Variants in ARFIP2 observed in about 807,000 individuals in gnomAD.
ARFIP2 encodes the protein ARF interacting protein 2.
In ARFIP2, 14 loss-of-function variants were observed where a neutral mutation model predicts 39.2. The observed-to-expected ratio is 0.36, with a 90% CI of 0.24 to 0.56. The LOEUF (loss-of-function observed/expected upper bound fraction) is 0.56, where lower values mean the gene tolerates loss of function less well. ARFIP2 is among the 20% of genes least tolerant of loss of function. The pLI is 0.85. For missense variants in ARFIP2, 305 were observed against 422.5 expected (o/e 0.72, Z 2.44); for synonymous variants, 167 against 172.4 (o/e 0.97, Z 0.24).
chr11:6,480,163 T>C, intron 2 of ARFIP2, 95 bp from the exon 3 acceptor site: 1 of 1,315,946 alleles, frequency 7.6e-7, no homozygotes, highest in Non-Finnish European at 1.1e-6. Flanking sequence ...ATCATAAAGA[T>C]AGTACACAAG....
chr11:6,477,416 A>G lies in ARFIP2; in HGVS notation c.871-148T>C, dbSNP rs1192322000. 4.0e-6 allele frequency: 4 copies of G among 997,828 alleles called. No homozygotes were observed. 61.8% of individuals were successfully genotyped at this position (997,828 alleles called of 1,614,324 possible). A position where few individuals can be genotyped will look rare whatever the true frequency, so the allele number is the denominator to read the frequency against. On this transcript the variant is annotated intron_variant, in intron 7 of 7. Coordinates refer to ENST00000396777, the MANE Select transcript of ARFIP2 (RefSeq NM_001376558.2). This position sits in a 1 kb window ranked among gnomAD's most constrained non-coding sequence, Gnocchi z 4.8. ...GGGCTGAACTCTACCCAGGGAGTCA[A>G]AGGAGAAGGGTCAGTATGATGGAAG...
chr11:6,477,837 C>A lies in ARFIP2; in HGVS notation c.751G>T (p.Asp251Tyr), dbSNP rs1851255804. 1 of 1,613,922 alleles carries A rather than the reference C, an allele frequency of 6.2e-7. No individual in the cohort carries two copies. Among genetic ancestry groups the A allele is most frequent in the African/African-American group, 1.3e-5 (1 of 74,878 alleles). The change falls in exon 7 of 8, where the codon GAT becomes TAT. Residue 251 changes from aspartate to tyrosine, a missense_variant. By Grantham distance (160) the Asp-to-Tyr change is radical (BLOSUM62 -3). Coordinates refer to ENST00000396777, the MANE Select transcript of ARFIP2 (RefSeq NM_001376558.2). This position sits in a 1 kb window ranked among gnomAD's most constrained non-coding sequence, Gnocchi z 4.8. ...DLEELSLGPR[D>Y]AGTRGRLESA... is the part of the protein sequence containing the mutation. ...TCAAGTCGACCACGTGTCCCTGCATCCCGGGGGCCTAGACTCAGCTCCTCT... is the reference window on the plus strand; with the variant it reads ...TCAAGTCGACCACGTGTCCCTGCATACCGGGGGCCTAGACTCAGCTCCTCT...
At position 6,477,985 on chromosome 11, in the gene ARFIP2, A is replaced by G. The variant is rs2303493; in HGVS notation, c.695+56T>C. ...TGAATTCTTATGCCCCTAATGCCCAAATTTCCACCCATACCAGCCAACTCC... is the reference window on the plus strand; with the variant it reads ...TGAATTCTTATGCCCCTAATGCCCAGATTTCCACCCATACCAGCCAACTCC... On this transcript the variant is annotated intron_variant, in intron 6 of 7. Transcript: ENST00000396777. The surrounding 1 kb of genome is among the most constrained non-coding windows in gnomAD (Gnocchi z 4.8). The G allele has an allele frequency of 0.47, 751,799 of 1,604,308 alleles. 184,424 individuals carry two copies. Among genetic ancestry groups the G allele is most frequent in the Non-Finnish European group, 0.51 (599,999 of 1,173,042 alleles).
chr11:6,479,607 T>C, intron 3 of ARFIP2: 1 of 566,682 alleles, frequency 1.8e-6, no homozygotes, highest in Non-Finnish European at 3.1e-6. Flanking sequence ...GGAATCTTAG[T>C]GTGAGATTCA....
intron 3 of ARFIP2, 86 bp from the exon 4 acceptor site, chr11:6,479,344 T>G (rs1021520445): frequency 6.2e-7 from 1 of 1,608,528 alleles, no homozygotes; most frequent in African/African-American, 1.3e-5. Context: ...TTCGAGCACA[T>G]GAAATTGACT....
Position 6,480,337 on chromosome 11 carries a change from C to A in ARFIP2, c.85G>T (p.Asp29Tyr). 1 of 1,613,364 alleles carries A rather than the reference C, an allele frequency of 6.2e-7. No individual in the cohort carries two copies. Among genetic ancestry groups the A allele is most frequent in the South Asian group, 1.1e-5 (1 of 90,848 alleles). Residue 29 changes from aspartate (D) to tyrosine (Y), a missense_variant, in exon 2 of 8, where the codon GAT becomes TAT. This residue lies in a region of ARFIP2 where 151 missense variants were observed against 203.1 expected (regional missense o/e 0.74). Transcript: ENST00000396777. Reference sequence around the variant, plus strand: ...AACAGAAGCACCTGCTCCAGCCCATCATCTTCAGGAAGCTGCCTGGCTTCG... The same window carrying A: ...AACAGAAGCACCTGCTCCAGCCCATAATCTTCAGGAAGCTGCCTGGCTTCG... ...NGEARQLPEDDGLEQDLQQVM... is the reference protein window; with the variant it reads ...NGEARQLPEDYGLEQDLQQVM...
chr11:6,480,534 T>TCTTTAAAGG, intron 1 of ARFIP2, 71 bp from the exon 2 acceptor site: 1 of 770,394 alleles, frequency 1.3e-6, no homozygotes, highest in Non-Finnish European at 2.0e-6. Flanking sequence ...CTCTGTCATT[T>TCTTTAAAGG]CTTTAAAGGC....
Position 6,478,473 on chromosome 11 carries a change from A to T in ARFIP2, c.537+265T>A. On this transcript the variant is annotated intron_variant, in intron 5 of 7. Transcript: ENST00000396777. This position sits in a 1 kb window ranked among gnomAD's most constrained non-coding sequence, Gnocchi z 4.8. ...GGCAAGCAGGGGAGGGGCTCTGATT[A>T]GGCTGAGCACGAAGGCATTCTCCCC... is the stretch of plus-strand genomic sequence containing the variant. 1 of 1,177,388 alleles carries T rather than the reference A, an allele frequency of 8.5e-7. No homozygotes were observed. Among genetic ancestry groups the T allele is most frequent in the Non-Finnish European group, 1.2e-6 (1 of 864,952 alleles). 72.9% of individuals were successfully genotyped at this position (1,177,388 alleles called of 1,614,324 possible).
In ARFIP2 at chr11:6,477,063, G is replaced by A; in HGVS notation, c.*50C>T. ...CATGTCCAATCTCCCACACCCTGGG[G>A]CTGCCCTTCCCAATGTCTTTCTTGA... On this transcript the variant is annotated 3_prime_UTR_variant, in exon 8 of 8. Coordinates refer to ENST00000396777, the MANE Select transcript of ARFIP2 (RefSeq NM_001376558.2). The surrounding 1 kb of genome is among the most constrained non-coding windows in gnomAD (Gnocchi z 4.8). The A allele has an allele frequency of 6.4e-7, 1 of 1,561,758 alleles. No homozygotes were observed. Among genetic ancestry groups the A allele is most frequent in the South Asian group, 1.2e-5 (1 of 84,726 alleles).
At chr11:6,479,917 C>T (rs1265932772) in intron 3 of ARFIP2, 55 bp downstream of exon 3, 1 of 1,546,794 alleles carries the variant, frequency 6.5e-7, no homozygotes, top group Admixed American at 1.7e-5. Flanking sequence ...TATGCTTCCC[C>T]AAACCATTCC....
Position 6,477,368 on chromosome 11 carries a change from C to A in ARFIP2, c.871-100G>T, listed in dbSNP as rs546873575. 510 of 1,379,790 alleles carry A rather than the reference C, an allele frequency of 3.7e-4. 6 individuals are homozygous for A. The African/African-American group carries it at 6.3e-3, about 17-fold the overall frequency. 85.5% of individuals were successfully genotyped at this position (1,379,790 alleles called of 1,614,324 possible). On this transcript the variant is annotated intron_variant, in intron 7 of 7. Transcript: ENST00000396777. The surrounding 1 kb of genome is among the most constrained non-coding windows in gnomAD (Gnocchi z 4.8). Reference sequence around the variant, plus strand: ...ACAGACCAGGGGCACAAGGACTCTGCTCTGATGGTGCTTTTGGGGTAGGGG... The same window carrying A: ...ACAGACCAGGGGCACAAGGACTCTGATCTGATGGTGCTTTTGGGGTAGGGG...
rs1414934598 is a variant in ARFIP2, at chr11:6,480,336, T to G, written c.86A>C (p.Asp29Ala). Residue 29 changes from aspartate (D) to alanine (A), a missense_variant, in exon 2 of 8, where the codon GAT becomes GCT. By Grantham distance (126) the Asp-to-Ala change is moderately radical. Around this residue, in one of 3 missense-constraint regions of ARFIP2, gnomAD observed 151 missense variants for 203.1 expected, o/e 0.74. Coordinates refer to ENST00000396777, the MANE Select transcript of ARFIP2 (RefSeq NM_001376558.2). ...NGEARQLPED[D>A]GLEQDLQQVM... ...AAACAGAAGCACCTGCTCCAGCCCA[T>G]CATCTTCAGGAAGCTGCCTGGCTTC... 3.7e-6 allele frequency: 6 copies of G among 1,613,242 alleles called. No individual in the cohort carries two copies. The Admixed American group carries it at 1.0e-4, about 27-fold the overall frequency.
rs551813312 is a variant in ARFIP2 at position 6,479,170 on chromosome 11, G to A, written c.285C>T (p.Ile95=). 42 of 1,614,122 alleles carry A rather than the reference G, an allele frequency of 2.6e-5. No individual in the cohort carries two copies. Among genetic ancestry groups the A allele is most frequent in the Admixed American group, 3.3e-5 (2 of 60,014 alleles). ...ARGIAGEKFD[I]VKKWGINTYK... The stretch of plus-strand genomic sequence containing the variant: ...AGGTGTTGATGCCCCATTTCTTGAC[G>A]ATGTCAAACTTTTCTCCAGCAATGC... Residue 95 remains isoleucine, a synonymous_variant, in exon 4 of 8, where the codon ATC becomes ATT. Transcript: ENST00000396777.
chr11:6,477,652 G>A lies in ARFIP2; in HGVS notation c.870+66C>T, dbSNP rs1233331066. 25 of 1,555,078 alleles carry A rather than the reference G, an allele frequency of 1.6e-5. No homozygotes were observed. The highest frequency in any genetic ancestry group is 2.2e-5 in the Non-Finnish European group (25 of 1,140,056). On this transcript the variant is annotated intron_variant, in intron 7 of 7. Transcript: ENST00000396777. The surrounding 1 kb of genome is among the most constrained non-coding windows in gnomAD (Gnocchi z 4.8). Reference sequence around the variant, plus strand: ...ATTTCCTCATTCAATAATGGGGAGGGTCTGAGGGGAAGGTTAGTGTTACAG... The same window carrying A: ...ATTTCCTCATTCAATAATGGGGAGGATCTGAGGGGAAGGTTAGTGTTACAG...
In ARFIP2 at chr11:6,477,845, CCTA is replaced by C; in HGVS notation, c.740_742del (p.Leu247_Gly248delinsArg). ...ACCACGTGTCCCTGCATCCCGGGGGCCTAGACTCAGCTCCTCTAAGTCTGTTCG... is the reference window on the plus strand; with the variant it reads ...ACCACGTGTCCCTGCATCCCGGGGGCGACTCAGCTCCTCTAAGTCTGTTCG... On this transcript the variant is annotated inframe_deletion, in exon 7 of 8. Coordinates refer to ENST00000396777, the MANE Select transcript of ARFIP2 (RefSeq NM_001376558.2). This position sits in a 1 kb window ranked among gnomAD's most constrained non-coding sequence, Gnocchi z 4.8. The C allele has an allele frequency of 6.2e-7, 1 of 1,613,958 alleles. No homozygotes were observed. Among genetic ancestry groups the C allele is most frequent in the South Asian group, 1.1e-5 (1 of 91,074 alleles).
In ARFIP2 at chr11:6,477,872, C is replaced by T; in HGVS notation, c.716G>A (p.Arg239Gln). The part of the protein sequence containing the change: ...EAARLEYDAY[R>Q]TDLEELSLGP... ...TAGACTCAGCTCCTCTAAGTCTGTT[C>T]GGTAGGCATCATATTCCAGCCTGGG... The change falls in exon 7 of 8, where the codon CGA becomes CAA. Residue 239 changes from arginine to glutamine, a missense_variant. Physicochemically the swap from Arg to Gln is conservative, Grantham distance 43 (BLOSUM62 1). Transcript: ENST00000396777. This position sits in a 1 kb window ranked among gnomAD's most constrained non-coding sequence, Gnocchi z 4.8. 1.9e-6 allele frequency: 3 copies of T among 1,613,908 alleles called. No individual in the cohort carries two copies. Among genetic ancestry groups the T allele is most frequent in the South Asian group, 1.1e-5 (1 of 91,066 alleles).
At position 6,478,659 on chromosome 11, in the gene ARFIP2, G is replaced by C; in HGVS notation, c.537+79C>G. 6.5e-7 allele frequency: 1 copy of C among 1,534,828 alleles called. No individual in the cohort carries two copies. The highest frequency in any genetic ancestry group is 8.8e-7 in the Non-Finnish European group (1 of 1,137,124). ...AAGGGGTTCTCCCTGTGGGCTGCAGGAGGGAGGGAGGATGAGGAATGACTG... is the reference window on the plus strand; with the variant it reads ...AAGGGGTTCTCCCTGTGGGCTGCAGCAGGGAGGGAGGATGAGGAATGACTG... On this transcript the variant is annotated intron_variant, in intron 5 of 7. Transcript: ENST00000396777. The surrounding 1 kb of genome is among the most constrained non-coding windows in gnomAD (Gnocchi z 4.8).
At position 6,478,498 on chromosome 11, in the gene ARFIP2, C is replaced by T. The variant is rs903661259; in HGVS notation, c.537+240G>A. On this transcript the variant is annotated intron_variant, in intron 5 of 7. Transcript: ENST00000396777. The surrounding 1 kb of genome is among the most constrained non-coding windows in gnomAD (Gnocchi z 4.8). ...AGGCTGAGCACGAAGGCATTCTCCC[C>T]AGTGCAGAGAGGGGTTATTTGTGAG... 8 of 1,306,118 alleles carry T rather than the reference C, an allele frequency of 6.1e-6. No individual in the cohort carries two copies. Among genetic ancestry groups the T allele is most frequent in the Non-Finnish European group, 7.1e-6 (7 of 982,274 alleles). The allele number at this position is 1,306,118 out of a possible 1,614,324, so 80.9% of individuals were successfully genotyped here.
rs1307268044 is a variant in ARFIP2, at chr11:6,476,575, C to T, written c.*538G>A. 1 of 149,958 alleles carries T rather than the reference C, an allele frequency of 6.7e-6. No individual in the cohort carries two copies. The highest frequency in any genetic ancestry group is 2.4e-5 in the African/African-American group (1 of 40,872). 9.3% of individuals were successfully genotyped at this position (149,958 alleles called of 1,614,324 possible). ...GATCCCAATCTTCTTGGGCTCTAAG[C>T]ACAATTAAACTGGGTGGGTGGGTGA... On this transcript the variant is annotated 3_prime_UTR_variant, in exon 8 of 8. Coordinates refer to ENST00000396777, the MANE Select transcript of ARFIP2 (RefSeq NM_001376558.2).
Sources: allele counts gnomAD v4.1 joint callset, GRCh38; gene constraint gnomAD v4.1.1; regional missense constraint gnomAD v4.1.1; non-coding constraint Gnocchi (gnomAD v3.1); transcripts MANE v1.5; gene names NCBI Gene and HGNC (gene_info 2026-07-23, HGNC 2026-07-21).